The following RALYL variants were observed in gnomAD, a reference collection of about 807,000 sequenced individuals.
RALYL encodes RNA-binding Raly-like protein.
Under a neutral mutation model 35.1 loss-of-function variants are expected in RALYL, and 29 were observed. The ratio of observed to expected loss-of-function variants is 0.83; its 90% CI spans 0.61 to 1.13. The LOEUF is 1.13. Among genes scored for constraint, RALYL ranks in the 50% most tolerant of loss-of-function variants. The pLI is 0.00. For synonymous variants in RALYL, 120 were observed against 127.6 expected (o/e 0.94, Z 0.40); for missense variants, 359 against 360.4 (o/e 1.00, Z 0.03).
At chr8:84,688,466 T>C (rs908728263) in intron 2 of RALYL, among the ~76,000 whole-genome samples, 8 of 151,838 alleles carry the variant, frequency 5.3e-5, no homozygotes, top group African/African-American at 1.7e-4. Flanking sequence ...GAACACACAA[T>C]GGGGAAAGGA....
intron 1 of RALYL, among the ~76,000 whole-genome samples, chr8:84,376,786 C>T (rs1856991965): frequency 6.6e-6 from 1 of 151,778 alleles, no homozygotes; most frequent in Non-Finnish European, 1.5e-5. Flanking sequence ...GATTAAAGTT[C>T]ATATTAGTTT....
In RALYL at chr8:84,576,345, G is replaced by A. The variant is rs140720531; in HGVS notation, c.256+46768G>A. Among the ~76,000 whole-genome samples, 1,105 of 152,198 alleles carry A rather than the reference G, an allele frequency of 7.3e-3. 14 individuals are homozygous for A. The highest frequency in any genetic ancestry group is 0.025 in the African/African-American group (1,020 of 41,526). On this transcript the variant is annotated intron_variant, in intron 2 of 8. Transcript: ENST00000521268. ...TGTTTTGATTACTACAAAAAATTGAGTTTTACAGTTAAATATTTATATTTA... is the reference window on the plus strand; with the variant it reads ...TGTTTTGATTACTACAAAAAATTGAATTTTACAGTTAAATATTTATATTTA...
At chr8:84,684,027 T>C in intron 2 of RALYL, among the ~76,000 whole-genome samples, 1 of 152,042 alleles carries the variant, frequency 6.6e-6, no homozygotes, top group East Asian at 1.9e-4. Context: ...GATCAGAGCA[T>C]GGTAAAAAAA....
At chr8:84,326,887 C>T (rs1240451863) in intron 1 of RALYL, among the ~76,000 whole-genome samples, 1 of 152,104 alleles carries the variant, frequency 6.6e-6, no homozygotes, top group Non-Finnish European at 1.5e-5. Flanking sequence ...TAAATGTAGA[C>T]TTTATTCTAG....
chr8:84,424,785 G>T (rs1346972441), intron 1 of RALYL, among the ~76,000 whole-genome samples: 4 of 152,056 alleles, frequency 2.6e-5, no homozygotes, highest in Admixed American at 2.0e-4. Flanking sequence ...ACCCTCAGCT[G>T]CAGGTCTGTT....
At chr8:84,360,189 C>T (rs956230947) in intron 1 of RALYL, among the ~76,000 whole-genome samples, 3 of 152,138 alleles carry the variant, frequency 2.0e-5, no homozygotes, top group Non-Finnish European at 4.4e-5. Context: ...TCATTTCTTG[C>T]TGTGGAGCAC....
chr8:84,436,145 G>A (rs2047687478), intron 1 of RALYL, among the ~76,000 whole-genome samples: 1 of 152,072 alleles, frequency 6.6e-6, no homozygotes. Flanking sequence ...TGAAGTAGTT[G>A]ATCTAGGCAA....
intron 2 of RALYL, among the ~76,000 whole-genome samples, chr8:84,568,502 A>G (rs1319355344): frequency 2.0e-5 from 3 of 149,760 alleles, no homozygotes; most frequent in Non-Finnish European, 3.0e-5. Flanking sequence ...TAATGCCGCA[A>G]TAAACATACA....
chr8:84,268,337 C>T (rs531306200), intron 1 of RALYL, among the ~76,000 whole-genome samples: 13 of 152,284 alleles, frequency 8.5e-5, no homozygotes, highest in African/African-American at 2.9e-4. Context: ...CCTTTTCAGT[C>T]ATACCTGCAT....
chr8:84,589,200 G>A (rs1389664365), intron 2 of RALYL, among the ~76,000 whole-genome samples: 1 of 152,150 alleles, frequency 6.6e-6, no homozygotes, highest in East Asian at 1.9e-4. Flanking sequence ...GCCCGGACTT[G>A]TTTTAAACAT....
intron 1 of RALYL, among the ~76,000 whole-genome samples, chr8:84,339,976 T>C (rs1848498049): frequency 1.3e-5 from 2 of 152,096 alleles, no homozygotes; most frequent in Non-Finnish European, 2.9e-5. Context: ...AATTTAATCA[T>C]GGGGATGGGT....
intron 2 of RALYL, among the ~76,000 whole-genome samples, chr8:84,723,631 A>G (rs908166474): frequency 7.2e-5 from 11 of 151,950 alleles, no homozygotes; most frequent in Non-Finnish European, 1.5e-4. Flanking sequence ...TCTTTCTTCT[A>G]TGAGTAACTA....
At chr8:84,382,230 TAAA>T (rs559887402) in intron 1 of RALYL, among the ~76,000 whole-genome samples, 4,167 of 136,432 alleles carry the variant, frequency 0.031, 184 homozygotes, top group African/African-American at 0.1. Context: ...GCATTAGAAT[TAAA>T]AAAAAAAAAA....
chr8:84,601,967 C>T (rs572350479), intron 2 of RALYL, among the ~76,000 whole-genome samples: 1 of 152,188 alleles, frequency 6.6e-6, no homozygotes, highest in South Asian at 2.1e-4. Flanking sequence ...ACTGTTCTTT[C>T]ACTTCCTACA....
At chr8:84,386,718 C>G (rs1859281539) in intron 1 of RALYL, among the ~76,000 whole-genome samples, 1 of 151,852 alleles carries the variant, frequency 6.6e-6, no homozygotes, top group Non-Finnish European at 1.5e-5. Context: ...CCATTGACTA[C>G]ATATCATCTT....
intron 6 of RALYL, among the ~76,000 whole-genome samples, chr8:84,868,325 C>T (rs2135161277): frequency 6.6e-6 from 1 of 152,194 alleles, no homozygotes; most frequent in African/African-American, 2.4e-5. Context: ...CCTGAAGAAC[C>T]AGGAATACAG....
At chr8:84,780,266 C>T (rs1817812968) in intron 3 of RALYL, among the ~76,000 whole-genome samples, 1 of 152,130 alleles carries the variant, frequency 6.6e-6, no homozygotes. Context: ...GACACAAGCC[C>T]AAACACTGAC....
intron 1 of RALYL, among the ~76,000 whole-genome samples, chr8:84,219,484 A>G (rs193228476): frequency 1.5e-3 from 228 of 152,210 alleles, no homozygotes; most frequent in Middle Eastern, 6.8e-3. Flanking sequence ...ATTGACTAAT[A>G]TATGTATTAA....
In RALYL at chr8:84,689,070, C is replaced by CT. The variant is rs543112839; in HGVS notation, c.257-85498dup. On this transcript the variant is annotated intron_variant, in intron 2 of 8. Coordinates refer to ENST00000521268, the MANE Select transcript of RALYL (RefSeq NM_173848.7). ...CATACACATTGGAATGACTTTTTTT[C>CT]TTTTTTTTTTTAAATTTATTATTAT... 8.4e-3 allele frequency among the ~76,000 whole-genome samples: 1,230 copies of CT among 146,308 alleles called. 13 individuals are homozygous for CT. Among genetic ancestry groups the CT allele is most frequent in the African/African-American group, 0.027 (1,079 of 40,084 alleles).
Sources: gnomAD v4.1 joint callset for allele counts (sites outside exome capture counted in the v4.1 genomes callset) on GRCh38, gnomAD v4.1.1 for gene constraint, MANE v1.5 for transcripts, NCBI Gene and HGNC (gene_info 2026-07-23, HGNC 2026-07-21) for gene names.